The following ZNF362 variants were observed in gnomAD, a reference collection of about 807,000 sequenced individuals.
The protein encoded by ZNF362 is rotund homolog.
A neutral mutation model predicts 42.9 loss-of-function variants in ZNF362; 11 were observed. That is an observed-to-expected ratio of 0.26 (90% CI 0.16 to 0.42). ZNF362 has a LOEUF of 0.42. ZNF362 is among the 20% of genes least tolerant of loss of function. ZNF362 has a pLI of 1.00. For synonymous variants in ZNF362, 255 were observed against 257.3 expected (o/e 0.99, Z 0.09); for missense variants, 362 against 576.2 (o/e 0.63, Z 3.81).
Position 33,256,535 on chromosome 1 carries a change from G to A in ZNF362, c.-208G>A. On this transcript the variant is annotated 5_prime_UTR_variant, in exon 1 of 9. Transcript: ENST00000539719. ...ACCCGGAAGGTTTGCGCGCGGCTCC[G>A]CAGCGAGCCAGAGCCGGAGCCCGAG... 6.7e-6 allele frequency: 1 copy of A among 149,212 alleles called. No homozygotes were observed. Among genetic ancestry groups the A allele is most frequent in the Non-Finnish European group, 1.5e-5 (1 of 67,530 alleles). The allele number at this position is 149,212 out of a possible 1,614,324, so 9.2% of individuals were successfully genotyped here.
chr1:33,259,859 AC>A (rs767671649), intron 1 of ZNF362, among the ~76,000 whole-genome samples: 19 of 152,362 alleles, frequency 1.2e-4, no homozygotes, highest in Admixed American at 2.6e-4. Context: ...ACAGTGGTAG[AC>A]CTGGGTCCTG....
intron 3 of ZNF362, 25 bp downstream of exon 3, chr1:33,276,188 C>T (rs745827254): frequency 2.5e-6 from 4 of 1,611,446 alleles, no homozygotes; most frequent in Non-Finnish European, 2.5e-6. Flanking sequence ...GCCCCTCCGG[C>T]TGCCCTACCC....
chr1:33,213,639 G>A, the ZNF362 span, among the ~76,000 whole-genome samples: 4 of 152,230 alleles, frequency 2.6e-5, no homozygotes, highest in East Asian at 7.7e-4. Flanking sequence ...GATGTCAAGA[G>A]ATCGAGACCA....
At chr1:33,297,984 T>C (rs1646137528) in intron 8 of ZNF362, among the ~76,000 whole-genome samples, 1 of 152,210 alleles carries the variant, frequency 6.6e-6, no homozygotes, top group East Asian at 1.9e-4. Flanking sequence ...TGGTATTGGA[T>C]AGCATGTTGC....
chr1:33,136,728 G>A, the ZNF362 span, among the ~76,000 whole-genome samples: 3 of 151,614 alleles, frequency 2.0e-5, no homozygotes, highest in East Asian at 4.0e-4. Context: ...GGCCGGGCAC[G>A]GTGGCTCACG....
At chr1:33,154,528 G>A in the ZNF362 span, among the ~76,000 whole-genome samples, 4 of 152,102 alleles carry the variant, frequency 2.6e-5, no homozygotes, top group Admixed American at 2.0e-4. Context: ...GGCTGGGCGC[G>A]GTGGCTCACG....
Position 33,299,126 on chromosome 1 carries a change from G to C in ZNF362, c.*80G>C. 5.4e-6 allele frequency: 6 copies of C among 1,110,198 alleles called. No homozygotes were observed. Among genetic ancestry groups the C allele is most frequent in the Non-Finnish European group, 8.0e-6 (6 of 745,632 alleles). The allele number at this position is 1,110,198 out of a possible 1,614,324, so 68.8% of individuals were successfully genotyped here. ...CACCAGGCCCCAGCTCCCTCCGGGGGCCCTCCAGGAACCACCAAGCTCTCT... is the reference window on the plus strand; with the variant it reads ...CACCAGGCCCCAGCTCCCTCCGGGGCCCCTCCAGGAACCACCAAGCTCTCT... On this transcript the variant is annotated 3_prime_UTR_variant, in exon 9 of 9. Coordinates refer to ENST00000539719, the MANE Select transcript of ZNF362 (RefSeq NM_152493.3).
At chr1:33,189,691 A>ATATG in the ZNF362 span, among the ~76,000 whole-genome samples, 2 of 34,030 alleles carry the variant, frequency 5.9e-5, no homozygotes, top group South Asian at 2.1e-3. Context: ...ATACGTATAT[A>ATATG]TATATACACA....
At chr1:33,241,265 T>A in the ZNF362 span, among the ~76,000 whole-genome samples, 1 of 151,888 alleles carries the variant, frequency 6.6e-6, no homozygotes, top group Non-Finnish European at 1.5e-5. Context: ...GAGGCTGAGG[T>A]GAGTGGATCA....
chr1:33,279,878 TTC>T lies in ZNF362; in HGVS notation c.350-244_350-243del, dbSNP rs140306797. On this transcript the variant is annotated intron_variant, in intron 4 of 8. Transcript: ENST00000539719. Reference sequence around the variant, plus strand: ...TGTTATAAATAAGACGGCAGTGAACTTCTTTGTGCCTCAGTATTTTTCTATAG... The same window carrying T: ...TGTTATAAATAAGACGGCAGTGAACTTTTGTGCCTCAGTATTTTTCTATAG... Among the ~76,000 whole-genome samples, 1,272 of 152,346 alleles carry T rather than the reference TTC, an allele frequency of 8.3e-3. 25 individuals are homozygous for T. Among genetic ancestry groups the T allele is most frequent in the African/African-American group, 0.029 (1,213 of 41,566 alleles).
the ZNF362 span, among the ~76,000 whole-genome samples, chr1:33,153,342 A>C: frequency 2.5e-4 from 38 of 152,352 alleles, 1 homozygote; most frequent in African/African-American, 8.4e-4. Context: ...GTTGGAGCAC[A>C]GTCTGTTCCT....
At chr1:33,222,893 G>A in the ZNF362 span, among the ~76,000 whole-genome samples, 1 of 152,138 alleles carries the variant, frequency 6.6e-6, no homozygotes, top group African/African-American at 2.4e-5. Context: ...AATCATGGGG[G>A]CAGGTCTTTT....
At chr1:33,177,103 GCA>G in the ZNF362 span, among the ~76,000 whole-genome samples, 13 of 150,778 alleles carry the variant, frequency 8.6e-5, no homozygotes, top group East Asian at 5.9e-4. The surrounding 1 kb of genome is among the most constrained non-coding windows in gnomAD (Gnocchi z 4.1). Flanking sequence ...GCACACACAT[GCA>G]CACACACATG....
chr1:33,233,448 G>T, the ZNF362 span, among the ~76,000 whole-genome samples: 3 of 150,936 alleles, frequency 2.0e-5, no homozygotes, highest in East Asian at 5.8e-4. Flanking sequence ...CTGTCGCCCA[G>T]GCTGGAGTGT....
At chr1:33,271,108 C>T (rs1441997742) in intron 2 of ZNF362, among the ~76,000 whole-genome samples, 2 of 152,200 alleles carry the variant, frequency 1.3e-5, no homozygotes, top group Non-Finnish European at 2.9e-5. Context: ...ATTGGGCACT[C>T]AGAGGGGCCT....
chr1:33,234,491 A>AC, the ZNF362 span, among the ~76,000 whole-genome samples: 1 of 151,532 alleles, frequency 6.6e-6, no homozygotes. Flanking sequence ...TGATTTAAAG[A>AC]CCCCCCACCC....
intron 1 of ZNF362, among the ~76,000 whole-genome samples, chr1:33,265,717 A>G (rs963761429): frequency 5.9e-5 from 9 of 152,080 alleles, no homozygotes; most frequent in Non-Finnish European, 2.9e-5. Flanking sequence ...CCATCTGCTT[A>G]TCCTCTCCAG....
At chr1:33,253,008 C>T (rs1645769452), upstream of ZNF362, among the ~76,000 whole-genome samples, 1 of 151,620 alleles carries the variant, frequency 6.6e-6, no homozygotes, top group South Asian at 2.1e-4. Context: ...GGACCATGGA[C>T]ACCTTGGGAA....
the ZNF362 span, among the ~76,000 whole-genome samples, chr1:33,128,203 CA>C: frequency 0.073 from 6,113 of 83,662 alleles, 376 homozygotes; most frequent in African/African-American, 0.21. Context: ...CCCACCTCTC[CA>C]AAAAAAAAAA....
Sources: gnomAD v4.1 joint callset for allele counts (sites outside exome capture counted in the v4.1 genomes callset) on GRCh38, gnomAD v4.1.1 for gene constraint, Gnocchi (gnomAD v3.1) non-coding constraint, MANE v1.5 for transcripts, NCBI Gene and HGNC (gene_info 2026-07-23, HGNC 2026-07-21) for gene names.